Variants in TRPM6 observed in about 807,000 individuals in gnomAD.
TRPM6 encodes the protein channel kinase 2.
In TRPM6, 111 loss-of-function variants were observed where a neutral mutation model predicts 247.6. The observed-to-expected ratio is 0.45, with a 90% CI of 0.38 to 0.52. The LOEUF is 0.52. TRPM6 is among the 20% of genes least tolerant of loss of function. The probability of loss-of-function intolerance (pLI) is 0.00; values close to 1 mark genes in which losing one functional copy is unlikely to be tolerated. For missense variants in TRPM6, 2,126 were observed against 2,421.5 expected (o/e 0.88, Z 2.56); for synonymous variants, 892 against 853.8 (o/e 1.04, Z -0.78).
chr9:74,768,013 G>A (rs1389376904), intron 25 of TRPM6, among the ~76,000 whole-genome samples: 5 of 151,916 alleles, frequency 3.3e-5, no homozygotes, highest in East Asian at 1.9e-4. Context: ...ATTTTCAGAC[G>A]GTACATATCC....
At chr9:74,808,290 A>G in intron 13 of TRPM6, 116 bp from the exon 14 acceptor site, 1 of 1,293,120 alleles carries the variant, frequency 7.7e-7, no homozygotes, top group Non-Finnish European at 1.1e-6. Flanking sequence ...CCTTTTAAAT[A>G]TCTTTACAAA....
chr9:74,724,181 T>A lies in TRPM6; in HGVS notation c.*432A>T, dbSNP rs1825237969. 1 of 240,318 alleles carries A rather than the reference T, an allele frequency of 4.2e-6. No individual in the cohort carries two copies. The highest frequency in any genetic ancestry group is 2.3e-5 in the African/African-American group (1 of 44,428). The allele number at this position is 240,318 out of a possible 1,614,324, so 14.9% of individuals were successfully genotyped here. On this transcript the variant is annotated 3_prime_UTR_variant, in exon 39 of 39. Coordinates refer to ENST00000360774, the MANE Select transcript of TRPM6 (RefSeq NM_017662.5). ...TCACATAACTTTTTATGAACATATA[T>A]ATAGACATAAATACAATCTGTGGGT...
intron 5 of TRPM6, among the ~76,000 whole-genome samples, chr9:74,835,309 A>G (rs896265865): frequency 3.3e-5 from 5 of 152,046 alleles, no homozygotes; most frequent in Non-Finnish European, 7.4e-5. Context: ...AATTTGTTTA[A>G]GTTCTTTGTA....
At chr9:74,740,165 G>T (rs1192590884) in intron 33 of TRPM6, among the ~76,000 whole-genome samples, 156 bp from the exon 34 acceptor site, 1 of 152,210 alleles carries the variant, frequency 6.6e-6, no homozygotes, top group Non-Finnish European at 1.5e-5. Context: ...ACATGTATCA[G>T]GCTGGCCATG....
intron 7 of TRPM6, among the ~76,000 whole-genome samples, chr9:74,825,734 T>C (rs1431627008): frequency 6.6e-6 from 1 of 152,110 alleles, no homozygotes; most frequent in Non-Finnish European, 1.5e-5. Context: ...ATACCTCCCA[T>C]GGAGCATACA....
At position 74,750,647 on chromosome 9, in the gene TRPM6, C is replaced by T. The variant is rs778784419; in HGVS notation, c.5057+17G>A. 5 of 1,611,862 alleles carry T rather than the reference C, an allele frequency of 3.1e-6. No individual in the cohort carries two copies. Among genetic ancestry groups the T allele is most frequent in the Non-Finnish European group, 4.2e-6 (5 of 1,178,028 alleles). On this transcript the variant is annotated intron_variant, in intron 30 of 38. Coordinates refer to ENST00000360774, the MANE Select transcript of TRPM6 (RefSeq NM_017662.5). Reference sequence around the variant, plus strand: ...GAAGCCAAAGATTCTTAAACATAAACATTTAGAAATACTCACAGGGAGTTC... The same window carrying T: ...GAAGCCAAAGATTCTTAAACATAAATATTTAGAAATACTCACAGGGAGTTC...
At chr9:74,825,514 T>C (rs1829303386) in intron 7 of TRPM6, among the ~76,000 whole-genome samples, 1 of 151,956 alleles carries the variant, frequency 6.6e-6, no homozygotes, top group Admixed American at 6.6e-5. Flanking sequence ...GCTTCTTGTT[T>C]TTGCTGTTTT....
intron 12 of TRPM6, among the ~76,000 whole-genome samples, chr9:74,811,997 ACCATGTTAG>A (rs1237723301): frequency 6.6e-6 from 1 of 152,220 alleles, no homozygotes; most frequent in African/African-American, 2.4e-5. Flanking sequence ...GGTAATTTGA[ACCATGTTAG>A]CCATGTAGGT....
In TRPM6 at chr9:74,728,321, C is replaced by T. The variant is rs776154825; in HGVS notation, c.5853G>A (p.Pro1951=). The T allele has an allele frequency of 1.5e-5, 24 of 1,613,446 alleles. No homozygotes were observed. The highest frequency in any genetic ancestry group is 1.9e-5 in the Non-Finnish European group (23 of 1,179,616). The change falls in exon 38 of 39, where the codon CCG becomes CCA. Residue 1951 remains proline (P), a synonymous_variant. Transcript: ENST00000360774. ...TAATTGCATCTTCCCCCAAATTGGC[C>T]GGTCCAAACACCATTCCTCTTGATC... The part of the protein sequence containing the change: ...VKQSRGMVFG[P]ANLGEDAIRN...
chr9:74,740,339 G>A (rs978666088), intron 33 of TRPM6, among the ~76,000 whole-genome samples: 18 of 152,104 alleles, frequency 1.2e-4, no homozygotes, highest in African/African-American at 3.4e-4. Context: ...CTAAAGAGAC[G>A]GTTTAACCTG....
intron 18 of TRPM6, 80 bp downstream of exon 18, chr9:74,796,661 T>C: frequency 4.8e-6 from 7 of 1,454,054 alleles, no homozygotes; most frequent in Non-Finnish European, 6.8e-6. Context: ...TAGATGGCTA[T>C]ATAAGTAAAC....
intron 3 of TRPM6, among the ~76,000 whole-genome samples, chr9:74,845,564 C>A (rs1238264780): frequency 6.6e-6 from 1 of 152,178 alleles, no homozygotes; most frequent in Non-Finnish European, 1.5e-5. Flanking sequence ...AGGGTAGTGG[C>A]TCACGCCCGT....
At position 74,728,268 on chromosome 9, in the gene TRPM6, T is replaced by A; in HGVS notation, c.5906A>T (p.Asn1969Ile). The A allele has an allele frequency of 6.2e-7, 1 of 1,614,020 alleles. No homozygotes were observed. Among genetic ancestry groups the A allele is most frequent in the Non-Finnish European group, 8.5e-7 (1 of 1,179,980 alleles). ...IRNFIAKHHC[N>I]SCCRKLKLPD... ...GAGTTTGAGCTTCCGGCAGCAGGAGTTACAATGATGTTTTGCAATGAAGTT... is the reference window on the plus strand; with the variant it reads ...GAGTTTGAGCTTCCGGCAGCAGGAGATACAATGATGTTTTGCAATGAAGTT... The change falls in exon 38 of 39, where the codon AAC (asparagine) becomes ATC (isoleucine). Residue 1969 changes from asparagine (N) to isoleucine (I), a missense_variant. Around this residue, in one of 3 missense-constraint regions of TRPM6, gnomAD observed 327 missense variants for 397.7 expected, o/e 0.82. Coordinates refer to ENST00000360774, the MANE Select transcript of TRPM6 (RefSeq NM_017662.5).
chr9:74,798,981 C>A (rs1275850604), intron 17 of TRPM6, among the ~76,000 whole-genome samples: 1 of 152,096 alleles, frequency 6.6e-6, no homozygotes, highest in East Asian at 1.9e-4. Context: ...CTCAAACTAC[C>A]AGCTATCTAT....
chr9:74,808,272 T>G, intron 13 of TRPM6, 98 bp from the exon 14 acceptor site: 10 of 1,435,242 alleles, frequency 7.0e-6, no homozygotes, highest in Non-Finnish European at 9.8e-6. Flanking sequence ...TGCAAGAAGG[T>G]AGACATACCT....
chr9:74,877,830 A>G (rs1370491075), intron 1 of TRPM6, among the ~76,000 whole-genome samples: 4 of 152,056 alleles, frequency 2.6e-5, no homozygotes, highest in African/African-American at 7.2e-5. Context: ...CAGGGCCACA[A>G]TGCAGCCGCT....
rs191226011 is a variant in TRPM6, at chr9:74,751,006, A to G, written c.4999-284T>C. ...ATATGAAATTTTTTACAGACTGAAC[A>G]TAGAAAATCAGGACTAAACATACAC... On this transcript the variant is annotated intron_variant, in intron 29 of 38. Transcript: ENST00000360774. 3.5e-3 allele frequency among the ~76,000 whole-genome samples: 529 copies of G among 152,352 alleles called. 1 individual carries two copies. Among genetic ancestry groups the G allele is most frequent in the Non-Finnish European group, 6.2e-3 (420 of 68,032 alleles).
chr9:74,770,172 A>G (rs1389431419), intron 25 of TRPM6, among the ~76,000 whole-genome samples: 1 of 152,214 alleles, frequency 6.6e-6, no homozygotes, highest in Non-Finnish European at 1.5e-5. Flanking sequence ...CCAGATTTAT[A>G]TAAACATGAC....
At chr9:74,784,265 A>G (rs186925813) in intron 21 of TRPM6, among the ~76,000 whole-genome samples, 3,942 of 135,384 alleles carry the variant, frequency 0.029, 162 homozygotes, top group African/African-American at 0.11. Flanking sequence ...TCCATCTCAG[A>G]AAAAAAAAAA....
Sources: gnomAD v4.1 joint callset for allele counts (sites outside exome capture counted in the v4.1 genomes callset) on GRCh38, gnomAD v4.1.1 for gene constraint, gnomAD v4.1.1 regional missense constraint, MANE v1.5 for transcripts, NCBI Gene and HGNC (gene_info 2026-07-23, HGNC 2026-07-21) for gene names.